The following DNAJC24 variants were observed in gnomAD, a reference collection of about 807,000 sequenced individuals.
DNAJC24 encodes dnaJ homolog subfamily C member 24.
In DNAJC24, 17 loss-of-function variants were observed where a neutral mutation model predicts 18.0. That is an observed-to-expected ratio of 0.94 (90% confidence interval 0.65 to 1.42). The LOEUF (loss-of-function observed/expected upper bound fraction) is 1.42, where lower values mean the gene tolerates loss of function less well. DNAJC24 is among the 40% of genes most tolerant of loss of function. The pLI is 0.00. For synonymous variants in DNAJC24, 55 were observed against 57.7 expected (o/e 0.95, Z 0.21); for missense variants, 158 against 175.6 (o/e 0.90, Z 0.57).
intron 4 of DNAJC24, chr11:31,427,044 A>G (rs1003378512): frequency 6.6e-6 from 1 of 152,160 alleles, no homozygotes; most frequent in Non-Finnish European, 1.5e-5. Flanking sequence ...CATGAGTACC[A>G]TACTTACTTG....
At chr11:31,415,888 T>G (rs1371329936) in intron 3 of DNAJC24, 1 of 152,166 alleles carries the variant, frequency 6.6e-6, no homozygotes, top group Non-Finnish European at 1.5e-5. Flanking sequence ...TTATGAAAAT[T>G]TGATTTGAGA....
Position 31,383,283 on chromosome 11 carries a change from A to T in DNAJC24, c.111+12424A>T, listed in dbSNP as rs531071722. Among the ~76,000 whole-genome samples the T allele has an allele frequency of 1.1e-4, 17 of 151,990 alleles. No homozygotes were observed. In the South Asian group the frequency reaches 3.6e-3, roughly 32 times the overall value. On this transcript the variant is annotated intron_variant, in intron 2 of 4. Transcript: ENST00000465995. ...TGGGGCTGAAAGTCCCAACCCTCCA[A>T]TCATGCTTTAGTCTTTCTGGTGACC...
chr11:31,422,347 T>C (rs967995446), intron 3 of DNAJC24, among the ~76,000 whole-genome samples: 3 of 152,206 alleles, frequency 2.0e-5, no homozygotes, highest in African/African-American at 7.2e-5. Flanking sequence ...CAGGAATCTT[T>C]TAGTATCATT....
rs1282315281 is a variant in DNAJC24, at chr11:31,414,844, G to T, written c.145G>T (p.Ala49Ser). 2 of 1,613,898 alleles carry T rather than the reference G, an allele frequency of 1.2e-6. No homozygotes were observed. ...AGATAAACAAAGTACAGATGTACCA[G>T]CAGGAACAGTGGAGGAATGTGTACA... ...HPDKQSTDVP[A>S]GTVEECVQKF... The change falls in exon 3 of 5, where the codon GCA becomes TCA. Residue 49 changes from alanine to serine, a missense_variant. Physicochemically the swap from Ala to Ser is moderately conservative, Grantham distance 99. Transcript: ENST00000465995.
intron 2 of DNAJC24, among the ~76,000 whole-genome samples, chr11:31,404,785 A>C (rs1952638126): frequency 6.6e-6 from 1 of 152,124 alleles, no homozygotes; most frequent in African/African-American, 2.4e-5. Flanking sequence ...CCTCAGTGGT[A>C]ATCTGTTTGG....
chr11:31,423,453 G>T (rs1055016240), intron 3 of DNAJC24, among the ~76,000 whole-genome samples: 1 of 152,040 alleles, frequency 6.6e-6, no homozygotes, highest in African/African-American at 2.4e-5. Flanking sequence ...TAGAGATGGG[G>T]TTTCACCATA....
At chr11:31,387,119 C>G (rs1336394094) in intron 2 of DNAJC24, among the ~76,000 whole-genome samples, 1 of 152,204 alleles carries the variant, frequency 6.6e-6, no homozygotes, top group Admixed American at 6.5e-5. Context: ...GATTCCAACT[C>G]CGGGCCCTGG....
intron 2 of DNAJC24, chr11:31,374,038 A>T (rs1591897016): frequency 5.9e-6 from 2 of 338,782 alleles, no homozygotes; most frequent in East Asian, 1.4e-4. Flanking sequence ...TCATTTGCAG[A>T]TAACGAGAGT....
chr11:31,419,932 G>A (rs990033309), intron 3 of DNAJC24, among the ~76,000 whole-genome samples: 9 of 151,992 alleles, frequency 5.9e-5, no homozygotes, highest in African/African-American at 2.2e-4. Flanking sequence ...AACATACCCA[G>A]ATTATTTCCA....
chr11:31,425,272 G>A (rs1360147314), intron 3 of DNAJC24, among the ~76,000 whole-genome samples: 1 of 152,122 alleles, frequency 6.6e-6, no homozygotes, highest in Non-Finnish European at 1.5e-5. Context: ...ATTCTTTTAA[G>A]TTACTTAATC....
At chr11:31,379,602 G>A (rs1305814853) in intron 2 of DNAJC24, among the ~76,000 whole-genome samples, 1 of 152,178 alleles carries the variant, frequency 6.6e-6, no homozygotes, top group East Asian at 1.9e-4. Flanking sequence ...AATTGAGACT[G>A]CAGTGGTAAT....
chr11:31,385,773 A>G (rs943533257), intron 2 of DNAJC24, among the ~76,000 whole-genome samples: 5 of 152,224 alleles, frequency 3.3e-5, no homozygotes, highest in African/African-American at 1.2e-4. Flanking sequence ...ATGGCCGAAT[A>G]GAAGCCTCCG....
intron 2 of DNAJC24, among the ~76,000 whole-genome samples, chr11:31,402,010 A>G (rs1315144361): frequency 6.6e-6 from 1 of 152,206 alleles, no homozygotes; most frequent in African/African-American, 2.4e-5. Context: ...GCCCTGTGTC[A>G]CTTCAAGGTC....
intron 4 of DNAJC24, chr11:31,429,436 T>C: frequency 2.7e-6 from 1 of 377,054 alleles, no homozygotes; most frequent in Middle Eastern, 3.6e-4. Flanking sequence ...TAATCAATTA[T>C]AATGGTGGTA....
chr11:31,423,278 C>T (rs985651697), intron 3 of DNAJC24, among the ~76,000 whole-genome samples: 8 of 151,934 alleles, frequency 5.3e-5, no homozygotes, highest in Non-Finnish European at 8.8e-5. Flanking sequence ...TTTTTGTTTT[C>T]GAGACGGAGT....
At chr11:31,410,250 AT>A (rs1453523858) in intron 2 of DNAJC24, among the ~76,000 whole-genome samples, 1 of 152,158 alleles carries the variant, frequency 6.6e-6, no homozygotes, top group Non-Finnish European at 1.5e-5. Flanking sequence ...TTTAATTTGC[AT>A]TTTCCTAATA....
chr11:31,416,012 G>T (rs1423649932), intron 3 of DNAJC24: 2 of 152,158 alleles, frequency 1.3e-5, no homozygotes, highest in Non-Finnish European at 2.9e-5. Flanking sequence ...GTTTCTTATA[G>T]GCTGTGTGAT....
intron 2 of DNAJC24, among the ~76,000 whole-genome samples, chr11:31,399,429 T>C (rs899378196): frequency 1.2e-4 from 18 of 151,022 alleles, no homozygotes; most frequent in South Asian, 4.2e-4. Context: ...TTTTTTTTTT[T>C]TTTGAGACGG....
intron 2 of DNAJC24, among the ~76,000 whole-genome samples, chr11:31,394,581 C>A (rs1009260710): frequency 1.3e-4 from 20 of 151,490 alleles, no homozygotes; most frequent in African/African-American, 4.8e-4. Flanking sequence ...AATACCATTG[C>A]ACTCTGAAGT....
Sources: allele counts gnomAD v4.1 joint callset (sites outside exome capture counted in the v4.1 genomes callset), GRCh38; gene constraint gnomAD v4.1.1; transcripts MANE v1.5; gene names NCBI Gene and HGNC (gene_info 2026-07-23, HGNC 2026-07-21).